Variants in MEMO1 observed in about 807,000 individuals in gnomAD.
MEMO1 encodes protein MEMO1.
A neutral mutation model predicts 45.2 loss-of-function variants in MEMO1; 6 were observed. The ratio of observed to expected loss-of-function variants is 0.13; its 90% CI spans 0.07 to 0.26. The LOEUF (loss-of-function observed/expected upper bound fraction) is 0.26. MEMO1 is among the 10% of genes least tolerant of loss of function. MEMO1 has a pLI of 1.00. For missense variants in MEMO1, 184 were observed against 370.5 expected, an observed-to-expected ratio of 0.50 and a Z score of 4.13; for synonymous variants, 78 against 124.3, an observed-to-expected ratio of 0.63 and a Z score of 2.48.
At chr2:31,939,413 T>C (rs994300186) in intron 3 of MEMO1, among the ~76,000 whole-genome samples, 2 of 152,190 alleles carry the variant, frequency 1.3e-5, no homozygotes, top group African/African-American at 4.8e-5. Context: ...ATATTTGTAA[T>C]TTAGGCTAAA....
intron 2 of MEMO1, among the ~76,000 whole-genome samples, chr2:31,967,883 T>G (rs1305695126): frequency 6.6e-6 from 1 of 152,236 alleles, no homozygotes. Context: ...AAAGTAGTTA[T>G]TGTGCAATTA....
intron 6 of MEMO1, among the ~76,000 whole-genome samples, chr2:31,903,756 T>C (rs776674203): frequency 6.6e-6 from 1 of 152,094 alleles, no homozygotes; most frequent in East Asian, 1.9e-4. Context: ...AATAAAAAAA[T>C]TTAACTGTAA....
chr2:31,938,410 G>T (rs1284570246), intron 3 of MEMO1, among the ~76,000 whole-genome samples: 1 of 151,860 alleles, frequency 6.6e-6, no homozygotes, highest in Non-Finnish European at 1.5e-5. Flanking sequence ...ACTTTGGGAG[G>T]CCGAGGCAGG....
chr2:31,973,611 A>G (rs1300393546), intron 2 of MEMO1, among the ~76,000 whole-genome samples: 1 of 152,252 alleles, frequency 6.6e-6, no homozygotes, highest in Admixed American at 6.5e-5. Context: ...TGTTATATAC[A>G]TACAATAAAG....
At chr2:31,965,429 G>A (rs931897144) in intron 2 of MEMO1, among the ~76,000 whole-genome samples, 2 of 152,082 alleles carry the variant, frequency 1.3e-5, no homozygotes, top group Non-Finnish European at 2.9e-5. Flanking sequence ...GTCAGCCATA[G>A]GATAATAATC....
rs542274826 is a variant in MEMO1, at chr2:31,891,704, G to A, written c.580+288C>T. On this transcript the variant is annotated intron_variant, in intron 7 of 9. Coordinates refer to ENST00000404530, the MANE Select transcript of MEMO1 (RefSeq NM_001301833.4). Reference sequence around the variant, plus strand: ...ACCATACACACCTACTTGGAAATGAGGTTAAAAGATCTTAACTCCCACTAA... The same window carrying A: ...ACCATACACACCTACTTGGAAATGAAGTTAAAAGATCTTAACTCCCACTAA... Among the ~76,000 whole-genome samples, 6 of 152,208 alleles carry A rather than the reference G, an allele frequency of 3.9e-5. No homozygotes were observed. In the South Asian group the frequency reaches 1.2e-3, roughly 32 times the overall value.
chr2:31,889,136 C>T (rs1468407986), intron 7 of MEMO1, among the ~76,000 whole-genome samples: 6 of 152,024 alleles, frequency 3.9e-5, no homozygotes, highest in Non-Finnish European at 7.4e-5. Context: ...AAGGTAGGCA[C>T]AATATAGAGA....
intron 7 of MEMO1, 133 bp downstream of exon 7, chr2:31,891,853 CACTTTT>C: frequency 1.2e-6 from 1 of 841,622 alleles, no homozygotes. Flanking sequence ...ATTTTTTATT[CACTTTT>C]AAACACTGCT....
chr2:31,951,967 A>T (rs886607249), intron 2 of MEMO1, among the ~76,000 whole-genome samples: 1 of 152,216 alleles, frequency 6.6e-6, no homozygotes, highest in Non-Finnish European at 1.5e-5. Flanking sequence ...ATTTTTAGAT[A>T]TATCTCAAAG....
At chr2:31,901,578 C>G (rs1205489836) in intron 6 of MEMO1, among the ~76,000 whole-genome samples, 1 of 151,790 alleles carries the variant, frequency 6.6e-6, no homozygotes. Context: ...AAGGATTGAC[C>G]TCAAATGAAC....
intron 2 of MEMO1, among the ~76,000 whole-genome samples, chr2:31,952,746 C>T (rs559548302): frequency 6.6e-6 from 1 of 152,238 alleles, no homozygotes; most frequent in South Asian, 2.1e-4. Context: ...ATGCTCAGTA[C>T]AGAAAATTTG....
chr2:31,969,191 C>T (rs1668981302), intron 2 of MEMO1, among the ~76,000 whole-genome samples: 1 of 151,498 alleles, frequency 6.6e-6, no homozygotes, highest in Admixed American at 6.6e-5. Flanking sequence ...TGGCAGGATT[C>T]CTAATCTCCA....
intron 2 of MEMO1, among the ~76,000 whole-genome samples, chr2:32,001,327 T>C (rs922832519): frequency 7.9e-5 from 12 of 151,606 alleles, no homozygotes; most frequent in Non-Finnish European, 1.3e-4. Flanking sequence ...GCTTGAGCCA[T>C]CGCACCCGGC....
chr2:31,991,299 G>A (rs113564312), intron 2 of MEMO1, among the ~76,000 whole-genome samples: 224 of 152,230 alleles, frequency 1.5e-3, no homozygotes, highest in African/African-American at 5.1e-3. Flanking sequence ...TGGGCCGGGC[G>A]CGGTGGCTCA....
At chr2:31,873,359 T>C (rs1184343990) in intron 8 of MEMO1, among the ~76,000 whole-genome samples, 2 of 152,100 alleles carry the variant, frequency 1.3e-5, no homozygotes, top group East Asian at 3.8e-4. Flanking sequence ...AATCCACAAA[T>C]TGAAAGCTAA....
At chr2:31,999,189 T>C (rs763269737) in intron 2 of MEMO1, among the ~76,000 whole-genome samples, 5 of 152,188 alleles carry the variant, frequency 3.3e-5, no homozygotes, top group Non-Finnish European at 7.3e-5. Flanking sequence ...CACTATCATC[T>C]CACAGTTGGA....
At chr2:31,886,344 T>A (rs1676185252) in intron 7 of MEMO1, among the ~76,000 whole-genome samples, 1 of 152,204 alleles carries the variant, frequency 6.6e-6, no homozygotes, top group African/African-American at 2.4e-5. Flanking sequence ...TCAATATACA[T>A]ACAGAAGGCA....
At chr2:31,909,014 C>A (rs1680187257) in intron 6 of MEMO1, among the ~76,000 whole-genome samples, 1 of 152,162 alleles carries the variant, frequency 6.6e-6, no homozygotes, top group Non-Finnish European at 1.5e-5. Context: ...CAACAGGGCA[C>A]CTGTGTAATA....
chr2:31,926,850 A>G (rs1683190432), intron 4 of MEMO1, among the ~76,000 whole-genome samples: 1 of 151,510 alleles, frequency 6.6e-6, no homozygotes, highest in Non-Finnish European at 1.5e-5. Context: ...CTGCCTCAAA[A>G]AAAAAAGAAA....
Sources: gnomAD v4.1 joint callset for allele counts (sites outside exome capture counted in the v4.1 genomes callset) on GRCh38, gnomAD v4.1.1 for gene constraint, MANE v1.5 for transcripts, NCBI Gene and HGNC (gene_info 2026-07-23, HGNC 2026-07-21) for gene names.